EDC3: variants seen among roughly 807,000 people sequenced by gnomAD.
EDC3 encodes the protein enhancer of mRNA decapping 3, also known as enhancer of mRNA-decapping protein 3.
In EDC3, 20 loss-of-function variants were observed where a neutral mutation model predicts 41.8. The observed-to-expected ratio is 0.48, with a 90% confidence interval of 0.34 to 0.70. EDC3 has a LOEUF of 0.70. Among genes scored for constraint, EDC3 ranks in the 30% least tolerant of loss-of-function variants. The pLI is 0.01. For synonymous variants in EDC3, 206 were observed against 243.2 expected (o/e 0.85, Z 1.42); for missense variants, 444 against 636.8 (o/e 0.70, Z 3.26).
At chr15:74,650,069 G>A (rs914358668) in intron 4 of EDC3, among the ~76,000 whole-genome samples, 17 of 151,966 alleles carry the variant, frequency 1.1e-4, no homozygotes, top group African/African-American at 3.1e-4. Context: ...CCATTCAATG[G>A]TCTAAATCCC....
intron 1 of EDC3, among the ~76,000 whole-genome samples, chr15:74,689,714 T>C (rs930989247): frequency 2.6e-5 from 4 of 151,824 alleles, no homozygotes; most frequent in African/African-American, 9.7e-5. Flanking sequence ...TTAGTGGAGA[T>C]GGGGTTTCAC....
At chr15:74,652,039 A>G (rs1338206907) in intron 4 of EDC3, among the ~76,000 whole-genome samples, 1 of 152,220 alleles carries the variant, frequency 6.6e-6, no homozygotes, top group African/African-American at 2.4e-5. Flanking sequence ...GCTGCCCAGC[A>G]TTAGAGAATA....
intron 1 of EDC3, among the ~76,000 whole-genome samples, chr15:74,689,393 A>T (rs2062975774): frequency 6.6e-6 from 1 of 152,170 alleles, no homozygotes; most frequent in Admixed American, 6.5e-5. Flanking sequence ...TGATACTGTT[A>T]TTCTCCCAAT....
intron 1 of EDC3, among the ~76,000 whole-genome samples, chr15:74,677,359 C>T (rs536787859): frequency 0.025 from 2,813 of 111,256 alleles, 114 homozygotes; most frequent in African/African-American, 0.091. Context: ...CATGCCCAGC[C>T]TTTTTTTTTT....
chr15:74,687,201 AAAACAGTATGCCCCATTAG>A (rs1397586378), intron 1 of EDC3: 1 of 152,220 alleles, frequency 6.6e-6, no homozygotes, highest in Non-Finnish European at 1.5e-5. Context: ...AAAAAAACAA[AAAACAGTATGCCCCATTAG>A]AAACACTAAG....
intron 3 of EDC3, among the ~76,000 whole-genome samples, chr15:74,665,889 C>G (rs1388063440): frequency 6.6e-6 from 1 of 151,572 alleles, no homozygotes; most frequent in African/African-American, 2.4e-5. Flanking sequence ...CCTCCGACTC[C>G]CAGGTTCAGG....
At chr15:74,683,237 T>C (rs150516977) in intron 1 of EDC3, among the ~76,000 whole-genome samples, 3 of 151,374 alleles carry the variant, frequency 2.0e-5, no homozygotes, top group East Asian at 2.0e-4. Flanking sequence ...GACAAAGCTA[T>C]AGAAATGGAG....
At chr15:74,684,101 T>C (rs1277470098) in intron 1 of EDC3, among the ~76,000 whole-genome samples, 1 of 149,918 alleles carries the variant, frequency 6.7e-6, no homozygotes, top group Non-Finnish European at 1.5e-5. Context: ...TTTTTTTTTT[T>C]TTTGGCTCAC....
intron 1 of EDC3, among the ~76,000 whole-genome samples, chr15:74,686,151 C>T (rs555773604): frequency 5.8e-4 from 88 of 152,076 alleles, no homozygotes; most frequent in Non-Finnish European, 2.9e-4. Flanking sequence ...AAGGTGAAAC[C>T]CCATCTCTAC....
intron 2 of EDC3, among the ~76,000 whole-genome samples, chr15:74,673,584 C>A (rs141490620): frequency 4.2e-4 from 64 of 152,238 alleles, no homozygotes; most frequent in African/African-American, 1.5e-3. Flanking sequence ...CACCTGTAAT[C>A]CCAGCACTTT....
chr15:74,669,316 C>T (rs1596321955), intron 3 of EDC3, among the ~76,000 whole-genome samples: 1 of 147,264 alleles, frequency 6.8e-6, no homozygotes, highest in East Asian at 2.0e-4. Context: ...GCACTCCAGC[C>T]TGGGCAATAA....
At chr15:74,672,662 A>C (rs1241666194) in intron 2 of EDC3, among the ~76,000 whole-genome samples, 2 of 152,070 alleles carry the variant, frequency 1.3e-5, no homozygotes, top group Non-Finnish European at 2.9e-5. Flanking sequence ...CTAAATAGAA[A>C]TGATTAGTCG....
chr15:74,646,064 GTTTTTTTT>G (rs11359170), intron 4 of EDC3, among the ~76,000 whole-genome samples: 2 of 127,494 alleles, frequency 1.6e-5, no homozygotes, highest in African/African-American at 5.8e-5. Context: ...TTGTTGTTTT[GTTTTTTTT>G]TTTTTTTTTT....
intron 2 of EDC3, among the ~76,000 whole-genome samples, chr15:74,672,769 C>T (rs2062753958): frequency 1.3e-5 from 2 of 151,620 alleles, no homozygotes; most frequent in African/African-American, 2.4e-5. Flanking sequence ...GAGCAGAGAT[C>T]GCACCACTGC....
At chr15:74,675,450 T>A (rs928539528) in intron 1 of EDC3, among the ~76,000 whole-genome samples, 3 of 151,674 alleles carry the variant, frequency 2.0e-5, no homozygotes, top group African/African-American at 7.3e-5. Context: ...TTAATAAATC[T>A]GCTGTCAAAA....
In EDC3 at chr15:74,671,446, C is replaced by T. The variant is rs1400660640; in HGVS notation, c.484+9G>A. ...GATTGAGAAGAAATATCAACTTGAC[C>T]CTACTTACAGGAGTTGTGCCGACGA... On this transcript the variant is annotated intron_variant, in intron 3 of 6. Transcript: ENST00000315127. The surrounding 1 kb of genome is among the most constrained non-coding windows in gnomAD (Gnocchi z 4.6). 1 of 1,602,974 alleles carries T rather than the reference C, an allele frequency of 6.2e-7. No homozygotes were observed. The highest frequency in any genetic ancestry group is 2.2e-5 in the East Asian group (1 of 44,626).
chr15:74,694,403 G>A lies in EDC3; in HGVS notation c.-19+1477C>T, dbSNP rs751949792. ...GCTCACTGCAACCTCTCCCTCCCAG[G>A]TTCAAGCGTTTCTCCTGCCTCAGCC... On this transcript the variant is annotated intron_variant, in intron 1 of 6. Transcript: ENST00000315127. Among the ~76,000 whole-genome samples, 66 of 152,240 alleles carry A rather than the reference G, an allele frequency of 4.3e-4. 1 individual carries two copies. The highest frequency in any genetic ancestry group is 5.2e-4 in the Admixed American group (8 of 15,290).
At chr15:74,661,011 C>T (rs1477599221) in intron 3 of EDC3, among the ~76,000 whole-genome samples, 4 of 152,108 alleles carry the variant, frequency 2.6e-5, no homozygotes, top group Non-Finnish European at 4.4e-5. Flanking sequence ...CCATTTTAAC[C>T]ATTTTTAAGT....
intron 6 of EDC3, among the ~76,000 whole-genome samples, chr15:74,634,037 TC>T (rs980853851): frequency 6.6e-6 from 1 of 152,050 alleles, no homozygotes; most frequent in African/African-American, 2.4e-5. Flanking sequence ...TCTGGTGGAG[TC>T]CCTTCTCTGG....
Sources: gnomAD v4.1 joint callset for allele counts (sites outside exome capture counted in the v4.1 genomes callset) on GRCh38, gnomAD v4.1.1 for gene constraint, Gnocchi (gnomAD v3.1) non-coding constraint, MANE v1.5 for transcripts, NCBI Gene and HGNC (gene_info 2026-07-23, HGNC 2026-07-21) for gene names.